The following RUBCNL variants were observed in gnomAD, a reference collection of about 807,000 sequenced individuals.
The protein encoded by RUBCNL is rubicon like autophagy enhancer.
A neutral mutation model predicts 69.5 loss-of-function variants in RUBCNL; 62 were observed. The ratio of observed to expected loss-of-function variants is 0.89; its 90% CI spans 0.73 to 1.10. The LOEUF (loss-of-function observed/expected upper bound fraction) is 1.10. Among genes scored for constraint, RUBCNL ranks in the 50% least tolerant of loss-of-function variants. The pLI is 0.00. For missense variants in RUBCNL, 768 were observed against 798.1 expected, an observed-to-expected ratio of 0.96 and a Z score of 0.45; for synonymous variants, 291 against 303.6, an observed-to-expected ratio of 0.96 and a Z score of 0.43.
intron 2 of RUBCNL, 104 bp from the exon 3 acceptor site, chr13:46,372,701 T>C: frequency 9.3e-6 from 10 of 1,071,882 alleles, no homozygotes; most frequent in South Asian, 3.7e-5. Context: ...AAGTCTGTAC[T>C]TGGCTCTATC....
chr13:46,356,457 G>C lies in RUBCNL; in HGVS notation c.1305C>G (p.Ala435=), dbSNP rs144477423. 4.5e-4 allele frequency: 730 copies of C among 1,613,652 alleles called. No individual in the cohort carries two copies. The highest frequency in any genetic ancestry group is 6.0e-4 in the Non-Finnish European group (707 of 1,179,840). ...LVVAAQNFFC[A]GCGTPVEPKF... is the part of the protein sequence containing the mutation. ...TAGGCTCTACTGGAGTTCCACAGCC[G>C]GCACAGAAAAAATTCTGGGCTGCCA... is the stretch of plus-strand genomic sequence containing the variant. Residue 435 remains alanine (A), a synonymous_variant, in exon 10 of 15, where the codon GCC becomes GCG. Coordinates refer to ENST00000429979, the MANE Select transcript of RUBCNL (RefSeq NM_025113.5).
rs772549398 is a variant in RUBCNL at position 46,343,382 on chromosome 13, G to A, written c.*3C>T. The A allele has an allele frequency of 4.3e-6, 7 of 1,612,550 alleles. No individual in the cohort carries two copies. The highest frequency in any genetic ancestry group is 3.3e-5 in the Admixed American group (2 of 59,834). Reference sequence around the variant, plus strand: ...ACAGTCTTTTTCACAGTACTCAGGGGCATCATGTTGCTGCAGAGGCCACAC... The same window carrying A: ...ACAGTCTTTTTCACAGTACTCAGGGACATCATGTTGCTGCAGAGGCCACAC... On this transcript the variant is annotated 3_prime_UTR_variant, in exon 15 of 15. Coordinates refer to ENST00000429979, the MANE Select transcript of RUBCNL (RefSeq NM_025113.5).
chr13:46,372,411 T>C lies in RUBCNL; in HGVS notation c.65A>G (p.His22Arg). The C allele has an allele frequency of 1.4e-5, 23 of 1,613,196 alleles. No individual in the cohort carries two copies. The highest frequency in any genetic ancestry group is 1.9e-5 in the Non-Finnish European group (23 of 1,179,554). Residue 22 changes from histidine (H) to arginine (R), a missense_variant, in exon 3 of 15, where the codon CAC becomes CGC. Physicochemically the swap from His to Arg is conservative, Grantham distance 29. Coordinates refer to ENST00000429979, the MANE Select transcript of RUBCNL (RefSeq NM_025113.5). ...PVEPWEGISD[H>R]SGIIDGSPRL... ...GGGCGAACCATCAATAATGCCAGAG[T>C]GATCGCTGATCCCTTCCCAGGGCTC... is the stretch of plus-strand genomic sequence containing the variant.
At position 46,339,958 on chromosome 13, in the gene RUBCNL, T is replaced by C. The variant is rs1464985527; in HGVS notation, c.*3427A>G. 6.6e-6 allele frequency among the ~76,000 whole-genome samples: 1 copy of C among 151,916 alleles called. No homozygotes were observed. Among genetic ancestry groups the C allele is most frequent in the Non-Finnish European group, 1.5e-5 (1 of 67,958 alleles). ...AAGTTTGAAATCAAGGGGTCAGCCA[T>C]GTTGGGTTTTTTTTTTAAGGCTCTG... On this transcript the variant is annotated 3_prime_UTR_variant, in exon 15 of 15. Transcript: ENST00000429979.
intron 12 of RUBCNL, among the ~76,000 whole-genome samples, chr13:46,347,911 T>A (rs2048283152): frequency 6.6e-6 from 1 of 151,952 alleles, no homozygotes; most frequent in Non-Finnish European, 1.5e-5. Context: ...GAGACTGGCG[T>A]GAACCCGGGA....
At position 46,354,434 on chromosome 13, in the gene RUBCNL, G is replaced by A. The variant is rs554203071; in HGVS notation, c.1330+1998C>T. 2.6e-5 allele frequency among the ~76,000 whole-genome samples: 4 copies of A among 152,080 alleles called. No individual in the cohort carries two copies. The East Asian group carries it at 7.7e-4, about 29-fold the overall frequency. The stretch of plus-strand genomic sequence containing the variant: ...TCTGTAAATCTAAAATTATCTCAAA[G>A]ACAAAAGTTAAAAAAAATGTATCCT... On this transcript the variant is annotated intron_variant, in intron 10 of 14. Transcript: ENST00000429979.
chr13:46,369,222 C>T (rs1454462761), intron 3 of RUBCNL, among the ~76,000 whole-genome samples: 2 of 152,156 alleles, frequency 1.3e-5, no homozygotes, highest in Admixed American at 1.3e-4. Context: ...TTCCTTTCTT[C>T]TTCTTCTTTT....
At chr13:46,387,851 T>G (rs988102093), upstream of RUBCNL, 9 of 985,354 alleles carry the variant, frequency 9.1e-6, no homozygotes, top group Admixed American at 1.8e-4. Context: ...CAGTGGTTAG[T>G]CCTGAGATCA....
At position 46,372,335 on chromosome 13, in the gene RUBCNL, C is replaced by T. The variant is rs2048896857; in HGVS notation, c.141G>A (p.Met47Ile). The T allele has an allele frequency of 6.2e-7, 1 of 1,613,900 alleles. No individual in the cohort carries two copies. Residue 47 changes from methionine (M) to isoleucine (I), a missense_variant, in exon 3 of 15, where the codon ATG becomes ATA. Coordinates refer to ENST00000429979, the MANE Select transcript of RUBCNL (RefSeq NM_025113.5). ...HPPCQLDIRL[M>I]RHKAVWINPQ... ...GGTTAATCCAGACAGCTTTGTGCCT[C>T]ATGAGCCTGATGTCTAATTGGCAAG...
chr13:46,368,224 T>C lies in RUBCNL; in HGVS notation c.644A>G (p.Asp215Gly). The change falls in exon 5 of 15, where the codon GAT (aspartate) becomes GGT (glycine). Residue 215 changes from aspartate (D) to glycine (G), a missense_variant. Asp to Gly is a moderately conservative substitution (Grantham distance 94). Coordinates refer to ENST00000429979, the MANE Select transcript of RUBCNL (RefSeq NM_025113.5). ...EKENAHFYVADMIISAMEKMK... is the reference protein window; with the variant it reads ...EKENAHFYVAGMIISAMEKMK... ...TTTCTCCATTGCTGATATAATCATA[T>C]CTGCAACATAAAAGTGGGCATTTTC... 1 of 1,613,796 alleles carries C rather than the reference T, an allele frequency of 6.2e-7. No homozygotes were observed. The highest frequency in any genetic ancestry group is 8.5e-7 in the Non-Finnish European group (1 of 1,179,822).
At chr13:46,367,993 T>C (rs922741641) in intron 5 of RUBCNL, 49 bp downstream of exon 5, 3 of 1,518,620 alleles carry the variant, frequency 2.0e-6, no homozygotes, top group African/African-American at 2.7e-5. Flanking sequence ...ATAGAGGAGA[T>C]ATATGTGAAA....
At chr13:46,358,205 A>T (rs1038114488) in intron 9 of RUBCNL, among the ~76,000 whole-genome samples, 9 of 152,180 alleles carry the variant, frequency 5.9e-5, no homozygotes, top group Non-Finnish European at 8.8e-5. Context: ...AAAAAAAGAA[A>T]AACAAAAGAA....
intron 1 of RUBCNL, among the ~76,000 whole-genome samples, chr13:46,379,324 C>T (rs1160912059): frequency 6.6e-6 from 1 of 152,174 alleles, no homozygotes; most frequent in Non-Finnish European, 1.5e-5. Flanking sequence ...GATCCACCCA[C>T]CTCGGCCTCC....
At chr13:46,367,005 G>GT (rs1450248928) in intron 5 of RUBCNL, among the ~76,000 whole-genome samples, 1 of 152,142 alleles carries the variant, frequency 6.6e-6, no homozygotes, top group Non-Finnish European at 1.5e-5. Context: ...ATAATTGAAG[G>GT]TGTATAGTAG....
intron 9 of RUBCNL, among the ~76,000 whole-genome samples, chr13:46,357,009 A>G (rs1424497042): frequency 1.4e-5 from 2 of 147,704 alleles, no homozygotes; most frequent in Non-Finnish European, 3.0e-5. Context: ...AATTACAGGC[A>G]TGAGCCGCCG....
chr13:46,368,827 G>A lies in RUBCNL; in HGVS notation c.536-12C>T. ...GACTTGAACAGCACCTGCCAATATAGCAAATTGTTAAAAATGGGGAAAAGG... is the reference window on the plus strand; with the variant it reads ...GACTTGAACAGCACCTGCCAATATAACAAATTGTTAAAAATGGGGAAAAGG... On this transcript the variant is annotated splice_polypyrimidine_tract_variant and intron_variant, in intron 3 of 14. Coordinates refer to ENST00000429979, the MANE Select transcript of RUBCNL (RefSeq NM_025113.5). 1 of 1,597,262 alleles carries A rather than the reference G, an allele frequency of 6.3e-7. No homozygotes were observed. Among genetic ancestry groups the A allele is most frequent in the South Asian group, 1.1e-5 (1 of 88,160 alleles).
At chr13:46,374,791 T>C (rs2048953480) in intron 2 of RUBCNL, among the ~76,000 whole-genome samples, 1 of 152,150 alleles carries the variant, frequency 6.6e-6, no homozygotes, top group Non-Finnish European at 1.5e-5. Context: ...CCAGCATCCA[T>C]AAGCCCCAAC....
intron 5 of RUBCNL, among the ~76,000 whole-genome samples, chr13:46,363,449 G>C (rs1437940192): frequency 6.6e-6 from 1 of 152,130 alleles, no homozygotes; most frequent in Non-Finnish European, 1.5e-5. Flanking sequence ...TCACAAAGAA[G>C]CTATCTGCAG....
At chr13:46,388,336 C>CAAGGAAGG (rs201163231), upstream of RUBCNL, among the ~76,000 whole-genome samples, 2 of 135,594 alleles carry the variant, frequency 1.5e-5, no homozygotes, top group East Asian at 2.2e-4. Flanking sequence ...GAACCTAAGC[C>CAAGGAAGG]AAGGAAGGAA....
Sources: allele counts gnomAD v4.1 joint callset (sites outside exome capture counted in the v4.1 genomes callset), GRCh38; gene constraint gnomAD v4.1.1; transcripts MANE v1.5; gene names NCBI Gene and HGNC (gene_info 2026-07-23, HGNC 2026-07-21).